Variants in FANCD2 observed in about 807,000 individuals in gnomAD.
FANCD2 encodes the protein FA complementation group D2, also known as Fanconi anemia group D2 protein.
FANCD2 carries 131 observed loss-of-function variants against 192.3 expected under a neutral mutation model. The ratio of observed to expected loss-of-function variants is 0.68; its 90% confidence interval spans 0.59 to 0.79. FANCD2 has a LOEUF of 0.79. Ranked by LOEUF, FANCD2 falls within the 30% of genes least tolerant of loss-of-function variation. The probability of loss-of-function intolerance (pLI) is 0.00; values close to 1 mark genes in which losing one functional copy is unlikely to be tolerated. For synonymous variants in FANCD2, 524 were observed against 612.5 expected, an observed-to-expected ratio of 0.86 and a Z score of 2.13; for missense variants, 1,508 against 1,701.6, an observed-to-expected ratio of 0.89 and a Z score of 2.00.
At chr3:10,054,460 TATATATA>T in intron 18 of FANCD2, among the ~76,000 whole-genome samples, 4 of 26,986 alleles carry the variant, frequency 1.5e-4, no homozygotes, top group Non-Finnish European at 3.4e-4. Flanking sequence ...TATATATATA[TATATATA>T]TATATATTTT....
rs1575844685 is a variant in FANCD2 at position 10,088,478 on chromosome 3, G to C, written c.3496G>C (p.Val1166Leu). The change falls in exon 35 of 44, where the codon GTG becomes CTG. Residue 1166 changes from valine to leucine, a missense_variant. Around this residue, in one of 5 missense-constraint regions of FANCD2, gnomAD observed 796 missense variants for 879.4 expected, o/e 0.91. Coordinates refer to ENST00000675286, the MANE Select transcript of FANCD2 (RefSeq NM_001018115.3). ...ASLARQFLCR[V>L]WPSGDKEKSN... ...CCTTGCCAGACAATTCCTCTGTCGGGTGTGGCCAAGTGGGGATAAAGAGAA... is the reference window on the plus strand; with the variant it reads ...CCTTGCCAGACAATTCCTCTGTCGGCTGTGGCCAAGTGGGGATAAAGAGAA... The C allele has an allele frequency of 1.9e-6, 3 of 1,611,850 alleles. No homozygotes were observed. The highest frequency in any genetic ancestry group is 1.3e-5 in the African/African-American group (1 of 74,974).
intron 17 of FANCD2, among the ~76,000 whole-genome samples, chr3:10,050,562 G>A (rs1238431530): frequency 1.4e-5 from 2 of 146,008 alleles, no homozygotes; most frequent in Non-Finnish European, 3.0e-5. Flanking sequence ...GGCGGAGCTT[G>A]CAGTGAGCCA....
At chr3:10,079,354 G>T (rs1693701347) in intron 30 of FANCD2, among the ~76,000 whole-genome samples, 2 of 152,170 alleles carry the variant, frequency 1.3e-5, no homozygotes, top group South Asian at 4.1e-4. Context: ...TCCCAGGCTG[G>T]AGTGCAGTGG....
intron 37 of FANCD2, 49 bp from the exon 38 acceptor site, chr3:10,092,132 G>T (rs760997218): frequency 2.5e-6 from 3 of 1,191,556 alleles, no homozygotes; most frequent in Non-Finnish European, 3.8e-6. Context: ...TACAGTAAGG[G>T]AAGTATTTGG....
At chr3:10,101,093 T>A in intron 43 of FANCD2, 95 bp from the exon 44 acceptor site, 1 of 950,692 alleles carries the variant, frequency 1.1e-6, no homozygotes, top group South Asian at 1.3e-5. Context: ...TTAACAGTGA[T>A]AATAGTACAG....
At chr3:10,095,821 C>A (rs1032578204) in intron 41 of FANCD2, among the ~76,000 whole-genome samples, 13 of 152,050 alleles carry the variant, frequency 8.5e-5, no homozygotes, top group Admixed American at 2.6e-4. Flanking sequence ...TTCTTGAGTC[C>A]AGTTTCTGTT....
intron 14 of FANCD2, among the ~76,000 whole-genome samples, chr3:10,046,055 C>CTTTTTTTTTTTTTTTTTTTTTT (rs57661428): frequency 4.0e-5 from 5 of 124,418 alleles, no homozygotes; most frequent in Non-Finnish European, 6.7e-5. Context: ...GCTCTGTATT[C>CTTTTTTTTTTTTTTTTTTTTTT]TTTTTTTTTT....
intron 18 of FANCD2, among the ~76,000 whole-genome samples, chr3:10,054,374 TATAC>T (rs1213722440): frequency 2.5e-4 from 28 of 111,396 alleles, no homozygotes; most frequent in African/African-American, 8.3e-4. Context: ...TATACGTGTA[TATAC>T]ATATATATAT....
intron 9 of FANCD2, chr3:10,041,331 C>T (rs1359863990): frequency 1.5e-5 from 5 of 324,746 alleles, no homozygotes; most frequent in Non-Finnish European, 2.3e-5. Flanking sequence ...TTTTCTTTTT[C>T]CTTTTTGCGG....
Position 10,041,127 on chromosome 3 carries a change from G to A in FANCD2, c.696-496G>A, listed in dbSNP as rs137922964. 1.3e-4 allele frequency: 23 copies of A among 174,010 alleles called. No individual in the cohort carries two copies. In the East Asian group the frequency reaches 2.5e-3, roughly 19 times the overall value. The allele number at this position is 174,010 out of a possible 1,614,324, so 10.8% of individuals were successfully genotyped here. ...GAGGATCAATTGAGCGTGGAAGGTC[G>A]AAGCTACAGTGAGCTGTGATGACAC... On this transcript the variant is annotated intron_variant, in intron 9 of 43. Coordinates refer to ENST00000675286, the MANE Select transcript of FANCD2 (RefSeq NM_001018115.3).
At chr3:10,098,546 C>T (rs972033057) in intron 42 of FANCD2, among the ~76,000 whole-genome samples, 174 bp from the exon 43 acceptor site, 3 of 152,160 alleles carry the variant, frequency 2.0e-5, no homozygotes, top group African/African-American at 7.2e-5. Flanking sequence ...TCTCAGAAAC[C>T]TGGAGTTGAG....
chr3:10,053,306 G>C (rs4501095), intron 18 of FANCD2, among the ~76,000 whole-genome samples: 29,404 of 149,950 alleles, frequency 0.2, 3,309 homozygotes, highest in African/African-American at 0.31. Flanking sequence ...CATATTCTCA[G>C]TCATAGGTGG....
Position 10,041,614 on chromosome 3 carries a change from C to A in FANCD2, c.696-9C>A. 1 of 1,599,628 alleles carries A rather than the reference C, an allele frequency of 6.3e-7. No homozygotes were observed. Among genetic ancestry groups the A allele is most frequent in the South Asian group, 1.1e-5 (1 of 90,762 alleles). On this transcript the variant is annotated splice_polypyrimidine_tract_variant and intron_variant, in intron 9 of 43. Transcript: ENST00000675286. The stretch of plus-strand genomic sequence containing the variant: ...TTATACAACTTTTTTCTTTTTCTAC[C>A]ATTCACAGTGACCTACTGATAGAGA...
At chr3:10,043,974 T>G in intron 14 of FANCD2, 110 bp downstream of exon 14, 1 of 918,906 alleles carries the variant, frequency 1.1e-6, no homozygotes, top group Non-Finnish European at 1.7e-6. Context: ...CACTCTTCTC[T>G]CTCTTCCCTA....
Position 10,067,237 on chromosome 3 carries a change from C to A in FANCD2, c.2414C>A (p.Ser805Ter). 1 of 1,613,120 alleles carries A rather than the reference C, an allele frequency of 6.2e-7. No homozygotes were observed. ...EIVNAFCQET[S>*]PEMKGKVLTR... ...GTAAATGCCTTCTGCCAGGAAACATCACCTGAGATGAAGGGGAAGGTGCTC... is the reference window on the plus strand; with the variant it reads ...GTAAATGCCTTCTGCCAGGAAACATAACCTGAGATGAAGGGGAAGGTGCTC... Residue 805 changes from serine to a stop codon, truncating the protein, a stop_gained, in exon 26 of 44, where the codon TCA becomes TAA. Transcript: ENST00000675286. LOFTEE classifies it high-confidence loss of function.
intron 42 of FANCD2, among the ~76,000 whole-genome samples, 161 bp downstream of exon 42, chr3:10,096,633 A>G (rs990273727): frequency 3.3e-5 from 5 of 152,126 alleles, no homozygotes; most frequent in African/African-American, 1.2e-4. Flanking sequence ...TACATTACTC[A>G]TGGGCCCTGG....
At chr3:10,056,588 G>C (rs2087419472) in intron 18 of FANCD2, among the ~76,000 whole-genome samples, 1 of 151,998 alleles carries the variant, frequency 6.6e-6, no homozygotes, top group Non-Finnish European at 1.5e-5. Flanking sequence ...CTGCAGTGCA[G>C]TGGCGTGATC....
At chr3:10,052,574 G>A (rs2087250633) in intron 18 of FANCD2, 77 bp downstream of exon 18, 1 of 961,920 alleles carries the variant, frequency 1.0e-6, no homozygotes, top group Non-Finnish European at 1.7e-6. Context: ...CTGGAGTGCA[G>A]TTGGCACGAT....
intron 18 of FANCD2, among the ~76,000 whole-genome samples, chr3:10,055,296 CTT>C (rs1449601034): frequency 7.9e-5 from 12 of 152,230 alleles, no homozygotes; most frequent in Admixed American, 2.6e-4. Context: ...CCCAAACAAA[CTT>C]TGTACCCATT....
Sources: gnomAD v4.1 joint callset for allele counts (sites outside exome capture counted in the v4.1 genomes callset) on GRCh38, gnomAD v4.1.1 for gene constraint, gnomAD v4.1.1 regional missense constraint, MANE v1.5 for transcripts, NCBI Gene and HGNC (gene_info 2026-07-23, HGNC 2026-07-21) for gene names.